The following EMC10 variants were observed in gnomAD, a reference collection of about 807,000 sequenced individuals.
EMC10 encodes the protein UPF0510 protein INM02.
A neutral mutation model predicts 32.2 loss-of-function variants in EMC10; 40 were observed. That is an observed-to-expected ratio of 1.24 (90% CI 0.96 to 1.61). The LOEUF (loss-of-function observed/expected upper bound fraction) is 1.61, where lower values mean the gene tolerates loss of function less well. EMC10 is among the 40% of genes most tolerant of loss of function. The probability of loss-of-function intolerance (pLI) is 0.00; values close to 1 mark genes in which losing one functional copy is unlikely to be tolerated. For synonymous variants in EMC10, 178 were observed against 158.4 expected (o/e 1.12, Z -0.93); for missense variants, 402 against 357.7 (o/e 1.12, Z -1.00).
At chr19:50,479,144 T>G (rs1601324548) in intron 3 of EMC10, 78 bp downstream of exon 3, 4 of 1,170,842 alleles carry the variant, frequency 3.4e-6, no homozygotes, top group Non-Finnish European at 4.9e-6. Context: ...CCCCTGCTGG[T>G]CCCCAGCAGC....
At position 50,480,554 on chromosome 19, in the gene EMC10, C is replaced by T; in HGVS notation, c.403-27C>T. 1.3e-6 allele frequency: 2 copies of T among 1,547,914 alleles called. No individual in the cohort carries two copies. The highest frequency in any genetic ancestry group is 2.4e-5 in the South Asian group (2 of 83,786). The stretch of plus-strand genomic sequence containing the variant: ...TGGAGCCCAGGCAGCAGGCTCCCCA[C>T]CTCCACTGACCCCACTCCCCCCACA... On this transcript the variant is annotated intron_variant, in intron 4 of 6. Transcript: ENST00000334976. The surrounding 1 kb of genome is among the most constrained non-coding windows in gnomAD (Gnocchi z 4.4).
chr19:50,481,903 C>T (rs780779977), intron 6 of EMC10: 20 of 1,601,856 alleles, frequency 1.2e-5, no homozygotes, highest in South Asian at 3.3e-5. Flanking sequence ...CACAGCCCTG[C>T]GTCCTGCTGC....
rs779610598 is a variant in EMC10, at chr19:50,476,520, C to T, written c.-25C>T. On this transcript the variant is annotated 5_prime_UTR_variant, in exon 1 of 7. Transcript: ENST00000334976. ...CCGCGGCTCTTGGCTCACAGCCGTC[C>T]CTTCGCTGGTGGGAAGAAGCCGAGA... The T allele has an allele frequency of 7.6e-6, 12 of 1,569,318 alleles. No homozygotes were observed. The Admixed American group carries it at 1.6e-4, about 21-fold the overall frequency.
Position 50,483,262 on chromosome 19 carries a change from A to G in EMC10, c.*1003A>G. On this transcript the variant is annotated 3_prime_UTR_variant, in exon 7 of 7. Transcript: ENST00000334976. ...ACTTGATACGTTATTCAGAAACCCAAGGAATGGCTGTCCCCATCCTCATGT... is the reference window on the plus strand; with the variant it reads ...ACTTGATACGTTATTCAGAAACCCAGGGAATGGCTGTCCCCATCCTCATGT... 5.2e-6 allele frequency: 2 copies of G among 387,912 alleles called. No homozygotes were observed. The highest frequency in any genetic ancestry group is 1.1e-5 in the Non-Finnish European group (2 of 188,572). The allele number at this position is 387,912 out of a possible 1,614,324, so 24.0% of individuals were successfully genotyped here.
In EMC10 at chr19:50,476,677, T is replaced by G. The variant is rs951403557; in HGVS notation, c.114+19T>G. On this transcript the variant is annotated intron_variant, in intron 1 of 6. Coordinates refer to ENST00000334976, the MANE Select transcript of EMC10 (RefSeq NM_206538.4). The stretch of plus-strand genomic sequence containing the variant: ...GCGAGGGGTGAGTGCTCTTTAGCTG[T>G]GCATAGCGGGCGCGGTCTACGGATG... 4.2e-6 allele frequency: 6 copies of G among 1,442,942 alleles called. No individual in the cohort carries two copies. In the African/African-American group the frequency reaches 8.8e-5, roughly 21 times the overall value. 89.4% of individuals were successfully genotyped at this position (1,442,942 alleles called of 1,614,324 possible).
Position 50,481,759 on chromosome 19 carries a change from G to A in EMC10, c.679-390G>A, listed in dbSNP as rs1254271074. ...CCCAGAGGCTGAGCCCTTGCCTGCT[G>A]GGCCCTGCCCTGCTGCCCACTCGAG... is the stretch of plus-strand genomic sequence containing the variant. On this transcript the variant is annotated intron_variant, in intron 6 of 6. Transcript: ENST00000334976. 4 of 995,174 alleles carry A rather than the reference G, an allele frequency of 4.0e-6. No individual in the cohort carries two copies. In the African/African-American group the frequency reaches 4.9e-5, roughly 12 times the overall value. 61.6% of individuals were successfully genotyped at this position (995,174 alleles called of 1,614,324 possible).
chr19:50,478,134 G>A (rs1217998874), intron 2 of EMC10, 133 bp downstream of exon 2: 2 of 711,900 alleles, frequency 2.8e-6, no homozygotes, highest in Non-Finnish European at 4.6e-6. Context: ...TCAGGTTAGG[G>A]GAAAGTGGGA....
At chr19:50,481,754 C>G in intron 6 of EMC10, 1 of 949,416 alleles carries the variant, frequency 1.1e-6, no homozygotes, top group East Asian at 2.7e-5. Flanking sequence ...GAGCCCTTGC[C>G]TGCTGGGCCC....
chr19:50,481,629 A>C, intron 6 of EMC10: 1 of 547,196 alleles, frequency 1.8e-6, no homozygotes, highest in Non-Finnish European at 3.2e-6. Flanking sequence ...GGCTAGGAGG[A>C]TGCTGAGGCT....
At chr19:50,482,009 G>T (rs749378445) in intron 6 of EMC10, 140 bp from the exon 7 acceptor site, 91 of 1,593,866 alleles carry the variant, frequency 5.7e-5, no homozygotes, top group Non-Finnish European at 7.3e-5. Context: ...CTGTAGTGAC[G>T]TAGGGGACCT....
At position 50,480,091 on chromosome 19, in the gene EMC10, C is replaced by A. The variant is rs777090588; in HGVS notation, c.298-20C>A. On this transcript the variant is annotated intron_variant, in intron 3 of 6. Transcript: ENST00000334976. This position sits in a 1 kb window ranked among gnomAD's most constrained non-coding sequence, Gnocchi z 4.4. ...GCTGACACCATCCTTCTGACCAGCA[C>A]CCTCTTCTCCCATCCCCAGGATGTG... 6.3e-6 allele frequency: 10 copies of A among 1,590,028 alleles called. No individual in the cohort carries two copies. The East Asian group carries it at 2.3e-4, about 36-fold the overall frequency.
chr19:50,481,972 C>T, intron 6 of EMC10, 177 bp from the exon 7 acceptor site: 2 of 1,607,048 alleles, frequency 1.2e-6, no homozygotes, highest in South Asian at 1.1e-5. Flanking sequence ...CCCTGCCCCT[C>T]CCTGCGCCCC....
chr19:50,481,082 C>A, intron 6 of EMC10, 105 bp downstream of exon 6: 2 of 809,072 alleles, frequency 2.5e-6, no homozygotes, highest in Middle Eastern at 2.4e-4. Context: ...CTCGGGCCTG[C>A]TCCTTGTCCT....
Position 50,480,595 on chromosome 19 carries a change from G to T in EMC10, c.417G>T (p.Glu139Asp), listed in dbSNP as rs1433694494. 1.3e-6 allele frequency: 2 copies of T among 1,557,698 alleles called. No individual in the cohort carries two copies. Among genetic ancestry groups the T allele is most frequent in the Non-Finnish European group, 8.7e-7 (1 of 1,150,826 alleles). The part of the protein sequence containing the change: ...SSFVPACSLV[E>D]SHLSDQLTLH... Reference sequence around the variant, plus strand: ...TCCCCCCACAGTGCTCCCTGGTGGAGTCGCACCTGTCGGACCAGCTGACCC... The same window carrying T: ...TCCCCCCACAGTGCTCCCTGGTGGATTCGCACCTGTCGGACCAGCTGACCC... The change falls in exon 5 of 7, where the codon GAG (glutamate) becomes GAT (aspartate). Residue 139 changes from glutamate (E) to aspartate (D), a missense_variant. By Grantham distance (45) the Glu-to-Asp change is conservative (BLOSUM62 2). Transcript: ENST00000334976. This position sits in a 1 kb window ranked among gnomAD's most constrained non-coding sequence, Gnocchi z 4.4.
At chr19:50,479,206 C>T (rs747567897) in intron 3 of EMC10, 140 bp downstream of exon 3, 62 of 657,098 alleles carry the variant, frequency 9.4e-5, no homozygotes, top group Admixed American at 3.0e-4. Context: ...CTCTCAGCCT[C>T]TGTCCTCAAT....
Position 50,480,163 on chromosome 19 carries a change from G to T in EMC10, c.350G>T (p.Gly117Val). The change falls in exon 4 of 7, where the codon GGG becomes GTG. Residue 117 changes from glycine (G) to valine (V), a missense_variant. Gly to Val is a moderately radical substitution (Grantham distance 109, BLOSUM62 -3). Coordinates refer to ENST00000334976, the MANE Select transcript of EMC10 (RefSeq NM_206538.4). The surrounding 1 kb of genome is among the most constrained non-coding windows in gnomAD (Gnocchi z 4.4). ...LYRVRIPRRP[G>V]ALDGLEAGGY... The stretch of plus-strand genomic sequence containing the variant: ...CGGGTCCGGATCCCAAGGCGACCCG[G>T]GGCCCTGGATGGCCTGGAAGCTGGT... 1.2e-6 allele frequency: 2 copies of T among 1,613,846 alleles called. No homozygotes were observed. Among genetic ancestry groups the T allele is most frequent in the Non-Finnish European group, 8.5e-7 (1 of 1,179,922 alleles).
At chr19:50,481,038 C>G (rs918409437) in intron 6 of EMC10, 61 bp downstream of exon 6, 1 of 1,364,568 alleles carries the variant, frequency 7.3e-7, no homozygotes, top group African/African-American at 1.4e-5. Flanking sequence ...CCTGGCCAGG[C>G]CCTCCATGCT....
chr19:50,476,521 C>T lies in EMC10; in HGVS notation c.-24C>T, dbSNP rs1309044243. 2 of 1,569,420 alleles carry T rather than the reference C, an allele frequency of 1.3e-6. No individual in the cohort carries two copies. The highest frequency in any genetic ancestry group is 1.8e-5 in the Admixed American group (1 of 56,144). ...CGCGGCTCTTGGCTCACAGCCGTCCCTTCGCTGGTGGGAAGAAGCCGAGAT... is the reference window on the plus strand; with the variant it reads ...CGCGGCTCTTGGCTCACAGCCGTCCTTTCGCTGGTGGGAAGAAGCCGAGAT... On this transcript the variant is annotated 5_prime_UTR_variant, in exon 1 of 7. Coordinates refer to ENST00000334976, the MANE Select transcript of EMC10 (RefSeq NM_206538.4).
rs557267078 is a variant in EMC10, at chr19:50,485,735, A to G, written c.*3476A>G. On this transcript the variant is annotated 3_prime_UTR_variant, in exon 7 of 7. Coordinates refer to ENST00000334976, the MANE Select transcript of EMC10 (RefSeq NM_206538.4). ...CATCCCCCTAATGGAGAGCTTCCTG[A>G]CACTAGAGCTGACCTCACTACTCCC... 8.2e-6 allele frequency: 1 copy of G among 121,470 alleles called. No homozygotes were observed. The highest frequency in any genetic ancestry group is 3.0e-4 in the South Asian group (1 of 3,312). 7.5% of individuals were successfully genotyped at this position (121,470 alleles called of 1,614,324 possible).
Sources: gnomAD v4.1 joint callset for allele counts on GRCh38, gnomAD v4.1.1 for gene constraint, Gnocchi (gnomAD v3.1) non-coding constraint, MANE v1.5 for transcripts, NCBI Gene and HGNC (gene_info 2026-07-23, HGNC 2026-07-21) for gene names.